GABRG1: variants seen among roughly 807,000 people sequenced by gnomAD.
The protein encoded by GABRG1 is gamma-aminobutyric acid type A receptor subunit gamma1.
A neutral mutation model predicts 49.8 loss-of-function variants in GABRG1; 49 were observed. The ratio of observed to expected loss-of-function variants is 0.98; its 90% CI spans 0.78 to 1.25. The LOEUF (loss-of-function observed/expected upper bound fraction) is 1.25. Among genes scored for constraint, GABRG1 ranks in the 50% most tolerant of loss-of-function variants. The probability of loss-of-function intolerance (pLI) is 0.00; values close to 1 mark genes in which losing one functional copy is unlikely to be tolerated. For synonymous variants in GABRG1, 232 were observed against 185.1 expected (o/e 1.25, Z -2.06); for missense variants, 552 against 552.3 (o/e 1.00, Z 0.01).
At chr4:46,064,552 T>G (rs377251996) in intron 4 of GABRG1, 29 bp from the exon 5 acceptor site, 3 of 1,131,048 alleles carry the variant, frequency 2.7e-6, no homozygotes, top group Non-Finnish European at 3.7e-6. Context: ...AAGTATTAAA[T>G]AAAGATAAAT....
At chr4:46,050,139 AT>A (rs1477681577) in intron 8 of GABRG1, among the ~76,000 whole-genome samples, 1 of 151,958 alleles carries the variant, frequency 6.6e-6, no homozygotes, top group Non-Finnish European at 1.5e-5. Context: ...AACAATGGAT[AT>A]TATAGTTGAC....
intron 2 of GABRG1, among the ~76,000 whole-genome samples, chr4:46,095,609 G>A (rs1364024172): frequency 2.0e-5 from 3 of 151,612 alleles, no homozygotes; most frequent in African/African-American, 7.3e-5. Flanking sequence ...AACACACAAA[G>A]CAAGTTACCA....
chr4:46,068,876 A>C (rs906365727), intron 3 of GABRG1, among the ~76,000 whole-genome samples: 8 of 152,126 alleles, frequency 5.3e-5, no homozygotes, highest in African/African-American at 1.7e-4. Context: ...AAAATACAAG[A>C]GTTTCTAAGA....
At chr4:46,113,178 T>C (rs1022266180) in intron 1 of GABRG1, among the ~76,000 whole-genome samples, 8 of 151,120 alleles carry the variant, frequency 5.3e-5, no homozygotes, top group African/African-American at 1.7e-4. Flanking sequence ...TCCATTTTTA[T>C]ACTGCTATAA....
At chr4:46,041,537 T>C (rs187728801) in intron 8 of GABRG1, among the ~76,000 whole-genome samples, 1 of 152,140 alleles carries the variant, frequency 6.6e-6, no homozygotes, top group African/African-American at 2.4e-5. Context: ...ACCATGGATC[T>C]AATTCTAAAA....
chr4:46,118,132 G>GTGTGTATATATATATATA (rs377481920), intron 1 of GABRG1, among the ~76,000 whole-genome samples: 2 of 109,984 alleles, frequency 1.8e-5, no homozygotes, highest in African/African-American at 1.1e-4. Context: ...GTGTGTGTGT[G>GTGTGTATATATATATATA]TATATATATA....
chr4:46,058,261 G>C lies in GABRG1; in HGVS notation c.872C>G (p.Ser291Cys). 6.2e-7 allele frequency: 1 copy of C among 1,613,068 alleles called. No homozygotes were observed. Among genetic ancestry groups the C allele is most frequent in the Non-Finnish European group, 8.5e-7 (1 of 1,179,470 alleles). Residue 291 changes from serine (S) to cysteine (C), a missense_variant, in exon 7 of 9, where the codon TCT becomes TGT. By Grantham distance (112) the Ser-to-Cys change is moderately radical. Coordinates refer to ENST00000295452, the MANE Select transcript of GABRG1 (RefSeq NM_173536.4). Reference sequence around the variant, plus strand: ...CACTGCATCTTTATTGATCCAAAAAGACACCCAAGAAAGAACAACTGTCAG... The same window carrying C: ...CACTGCATCTTTATTGATCCAAAAACACACCCAAGAAAGAACAACTGTCAG... ...CILTVVLSWV[S>C]FWINKDAVPA... is the part of the protein sequence containing the mutation.
At chr4:46,100,812 T>C (rs1046660857) in intron 1 of GABRG1, among the ~76,000 whole-genome samples, 15 of 150,568 alleles carry the variant, frequency 1.0e-4, no homozygotes, top group African/African-American at 3.4e-4. Flanking sequence ...TTTTCTCAGG[T>C]AGTAGAGAGG....
intron 3 of GABRG1, among the ~76,000 whole-genome samples, chr4:46,071,490 C>T (rs1047957712): frequency 1.3e-5 from 2 of 149,808 alleles, no homozygotes; most frequent in African/African-American, 4.9e-5. Flanking sequence ...TATTTGTATA[C>T]AATATGTATA....
chr4:46,038,801 A>G lies in GABRG1; in HGVS notation c.*2187T>C, dbSNP rs1346594791. 2.0e-5 allele frequency: 3 copies of G among 151,750 alleles called. No homozygotes were observed. Among genetic ancestry groups the G allele is most frequent in the Admixed American group, 2.0e-4 (3 of 15,186 alleles). The allele number at this position is 151,750 out of a possible 1,614,324, so 9.4% of individuals were successfully genotyped here. On this transcript the variant is annotated 3_prime_UTR_variant, in exon 9 of 9. Transcript: ENST00000295452. ...GAAAACAAAGTGCTTGCTTGATGGT[A>G]TATACAAGGAAAGGCATCTTTCATA...
At chr4:46,106,684 C>G (rs893288508) in intron 1 of GABRG1, among the ~76,000 whole-genome samples, 2 of 151,376 alleles carry the variant, frequency 1.3e-5, no homozygotes, top group Non-Finnish European at 3.0e-5. Context: ...ATGAACTCCT[C>G]TCACCTAACA....
intron 1 of GABRG1, among the ~76,000 whole-genome samples, chr4:46,105,471 T>C (rs931495613): frequency 2.6e-5 from 4 of 151,496 alleles, no homozygotes; most frequent in African/African-American, 9.7e-5. Flanking sequence ...CTTGGCTGCC[T>C]GTACATTTAG....
Position 46,084,019 on chromosome 4 carries a change from T to C in GABRG1, c.288A>G (p.Val96=). Reference sequence around the variant, plus strand: ...TTGGATCAACTGGTCCAATGCTGTTTACATAAACATCAGTTTCAATTACTG... The same window carrying C: ...TTGGATCAACTGGTCCAATGCTGTTCACATAAACATCAGTTTCAATTACTG... ...RPTVIETDVY[V]NSIGPVDPIN... Residue 96 remains valine, a synonymous_variant, in exon 3 of 9, where the codon GTA becomes GTG. Transcript: ENST00000295452. The C allele has an allele frequency of 1.3e-6, 2 of 1,584,934 alleles. No homozygotes were observed. Among genetic ancestry groups the C allele is most frequent in the Non-Finnish European group, 1.7e-6 (2 of 1,159,632 alleles).
At chr4:46,060,129 C>A (rs1718616796) in intron 5 of GABRG1, among the ~76,000 whole-genome samples, 1 of 151,970 alleles carries the variant, frequency 6.6e-6, no homozygotes, top group East Asian at 1.9e-4. Flanking sequence ...TTTGAACGAA[C>A]CAAGTGAAAG....
At chr4:46,043,624 A>G (rs533340239) in intron 8 of GABRG1, among the ~76,000 whole-genome samples, 2 of 152,060 alleles carry the variant, frequency 1.3e-5, no homozygotes, top group Non-Finnish European at 1.5e-5. Flanking sequence ...TAGTTTCTCA[A>G]GAATAGACCC....
intron 3 of GABRG1, among the ~76,000 whole-genome samples, chr4:46,069,748 A>G (rs527344314): frequency 6.6e-6 from 1 of 152,196 alleles, no homozygotes; most frequent in South Asian, 2.1e-4. Context: ...TTAGTTTTAT[A>G]ATGTACTTGG....
At chr4:46,062,150 G>C (rs1295544292) in intron 5 of GABRG1, among the ~76,000 whole-genome samples, 1 of 150,978 alleles carries the variant, frequency 6.6e-6, no homozygotes, top group Non-Finnish European at 1.5e-5. Flanking sequence ...CCTTGTGATA[G>C]TTTACTGAGA....
At chr4:46,091,744 T>G (rs1031850955) in intron 2 of GABRG1, among the ~76,000 whole-genome samples, 6 of 151,918 alleles carry the variant, frequency 3.9e-5, no homozygotes, top group Admixed American at 3.9e-4. Context: ...GCAGAGAAAT[T>G]GAGACAGAAG....
At chr4:46,065,041 T>C (rs1718854200) in intron 4 of GABRG1, among the ~76,000 whole-genome samples, 1 of 152,152 alleles carries the variant, frequency 6.6e-6, no homozygotes, top group Non-Finnish European at 1.5e-5. Context: ...TAAAATTTTA[T>C]AGCAGGGTGG....
Sources: allele counts gnomAD v4.1 joint callset (sites outside exome capture counted in the v4.1 genomes callset), GRCh38; gene constraint gnomAD v4.1.1; transcripts MANE v1.5; gene names NCBI Gene and HGNC (gene_info 2026-07-23, HGNC 2026-07-21).